NEO1: variants seen among roughly 807,000 people sequenced by gnomAD.
The protein encoded by NEO1 is neogenin 1.
In NEO1, 63 loss-of-function variants were observed where a neutral mutation model predicts 159.7. That is an observed-to-expected ratio of 0.39 (90% confidence interval 0.32 to 0.49). The LOEUF (loss-of-function observed/expected upper bound fraction) is 0.49. Ranked by LOEUF, NEO1 falls within the 20% of genes least tolerant of loss-of-function variation. The probability of loss-of-function intolerance (pLI) is 0.85; values close to 1 mark genes in which losing one functional copy is unlikely to be tolerated. For synonymous variants in NEO1, 633 were observed against 662.0 expected, an observed-to-expected ratio of 0.96 and a Z score of 0.67; for missense variants, 1,615 against 1,831.0, an observed-to-expected ratio of 0.88 and a Z score of 2.15.
chr15:73,301,636 G>A (rs957864840), intron 28 of NEO1, 179 bp downstream of exon 28: 6 of 802,892 alleles, frequency 7.5e-6, no homozygotes. Flanking sequence ...CGGGAACTGT[G>A]CTGAGGACTT....
intron 8 of NEO1, among the ~76,000 whole-genome samples, chr15:73,239,852 A>T (rs2039400754): frequency 6.6e-6 from 1 of 152,178 alleles, no homozygotes; most frequent in Admixed American, 6.5e-5. Flanking sequence ...AGTTTTTTTT[A>T]AATGACCTGT....
Position 73,293,382 on chromosome 15 carries a change from A to C in NEO1, c.3743-8A>C. ...TTAAGCATTTCTCTGTCTTGTGTTC[A>C]TTCACAGCTGTGATTAGTGCCCATC... On this transcript the variant is annotated splice_region_variant and splice_polypyrimidine_tract_variant and intron_variant, in intron 25 of 28. Transcript: ENST00000261908. The C allele has an allele frequency of 6.2e-7, 1 of 1,614,092 alleles. No individual in the cohort carries two copies. The highest frequency in any genetic ancestry group is 1.1e-5 in the South Asian group (1 of 91,056).
chr15:73,277,872 C>A (rs1054328706), intron 21 of NEO1, among the ~76,000 whole-genome samples: 22 of 152,186 alleles, frequency 1.4e-4, no homozygotes, highest in Non-Finnish European at 1.5e-4. Context: ...GTCCCAGCTT[C>A]TAAACAGCAG....
chr15:73,198,678 G>A (rs957525533), intron 7 of NEO1, among the ~76,000 whole-genome samples: 5 of 151,908 alleles, frequency 3.3e-5, no homozygotes, highest in Non-Finnish European at 7.4e-5. Flanking sequence ...TATTCTGTTA[G>A]CTCCTCTTAG....
intron 5 of NEO1, chr15:73,162,384 T>TTTGTTG (rs112258191): frequency 0.087 from 13,618 of 157,300 alleles, 834 homozygotes; most frequent in African/African-American, 0.17. Context: ...TTTATTTTGT[T>TTTGTTG]TTGTTGTTGT....
chr15:73,131,905 T>C (rs976013489), intron 4 of NEO1, among the ~76,000 whole-genome samples: 48 of 152,240 alleles, frequency 3.2e-4, no homozygotes, highest in Non-Finnish European at 4.4e-5. Context: ...CACAATTAAT[T>C]TGCATGTGCT....
chr15:73,179,239 A>G (rs1377352016), intron 7 of NEO1, among the ~76,000 whole-genome samples: 1 of 152,180 alleles, frequency 6.6e-6, no homozygotes, highest in Non-Finnish European at 1.5e-5. Flanking sequence ...ACTCTAGACA[A>G]TATAAGAATG....
At chr15:73,258,965 A>G (rs947744972) in intron 14 of NEO1, 89 bp downstream of exon 14, 2 of 1,083,272 alleles carry the variant, frequency 1.8e-6, no homozygotes, top group African/African-American at 3.1e-5. Flanking sequence ...CTTGGGGTGG[A>G]TATGGCTCAA....
At chr15:73,265,093 G>C (rs1259023351) in intron 15 of NEO1, among the ~76,000 whole-genome samples, 1 of 152,184 alleles carries the variant, frequency 6.6e-6, no homozygotes, top group Non-Finnish European at 1.5e-5. Flanking sequence ...AGAAGGCCCT[G>C]TGTTGGAGAG....
At chr15:73,291,408 A>C (rs2042160684) in intron 25 of NEO1, among the ~76,000 whole-genome samples, 1 of 152,278 alleles carries the variant, frequency 6.6e-6, no homozygotes, top group South Asian at 2.1e-4. Context: ...ACCAATATAC[A>C]ATATTATTTA....
chr15:73,082,152 G>A (rs1335097525), intron 1 of NEO1, among the ~76,000 whole-genome samples: 1 of 145,668 alleles, frequency 6.9e-6, no homozygotes, highest in Non-Finnish European at 1.5e-5. Context: ...GGGATTACAG[G>A]CATGAGCCGC....
chr15:73,201,685 A>G (rs1334199954), intron 7 of NEO1, among the ~76,000 whole-genome samples: 2 of 152,084 alleles, frequency 1.3e-5, no homozygotes, highest in Non-Finnish European at 2.9e-5. Flanking sequence ...TATTACAGTG[A>G]ATTTTGCCTA....
chr15:73,123,907 G>A (rs935059530), intron 3 of NEO1, among the ~76,000 whole-genome samples: 3 of 152,120 alleles, frequency 2.0e-5, no homozygotes, highest in Non-Finnish European at 2.9e-5. Flanking sequence ...TACAACTCTT[G>A]AGGGTGTTCC....
intron 1 of NEO1, among the ~76,000 whole-genome samples, chr15:73,075,453 G>A (rs560823811): frequency 6.6e-6 from 1 of 152,144 alleles, no homozygotes; most frequent in African/African-American, 2.4e-5. Flanking sequence ...GATGAGTGGT[G>A]CACTTTTATG....
At position 73,198,455 on chromosome 15, in the gene NEO1, CTAA is replaced by C. The variant is rs888038127; in HGVS notation, c.1291+20030_1291+20032del. Among the ~76,000 whole-genome samples, 15 of 151,780 alleles carry C rather than the reference CTAA, an allele frequency of 9.9e-5. 1 individual carries two copies. The highest frequency in any genetic ancestry group is 9.2e-4 in the Admixed American group (14 of 15,258). On this transcript the variant is annotated intron_variant, in intron 7 of 28. Coordinates refer to ENST00000261908, the MANE Select transcript of NEO1 (RefSeq NM_002499.4). Reference sequence around the variant, plus strand: ...ATATACAGTTTCATCATCTTTTAGCCTAATGTTAGGAATTCAGTTTCTCATTCA... The same window carrying C: ...ATATACAGTTTCATCATCTTTTAGCCTGTTAGGAATTCAGTTTCTCATTCA...
chr15:73,061,309 C>A (rs1274486500), intron 1 of NEO1, among the ~76,000 whole-genome samples: 1 of 152,222 alleles, frequency 6.6e-6, no homozygotes, highest in African/African-American at 2.4e-5. Flanking sequence ...AGGAAAATTT[C>A]TTTCCCTTTC....
At chr15:73,120,101 A>C (rs897273229) in intron 2 of NEO1, among the ~76,000 whole-genome samples, 5 of 152,078 alleles carry the variant, frequency 3.3e-5, no homozygotes, top group African/African-American at 1.2e-4. Flanking sequence ...GTGCCACTGC[A>C]CTCCAGCATG....
intron 7 of NEO1, among the ~76,000 whole-genome samples, chr15:73,211,339 AT>A (rs2037551449): frequency 6.6e-6 from 1 of 152,228 alleles, no homozygotes; most frequent in African/African-American, 2.4e-5. Context: ...TTTCTGTAGC[AT>A]AAGATGCCCC....
chr15:73,129,600 A>T (rs898211670), intron 4 of NEO1, among the ~76,000 whole-genome samples: 13 of 152,182 alleles, frequency 8.5e-5, no homozygotes, highest in African/African-American at 3.1e-4. Context: ...GATCCCATTC[A>T]CTAAGTAGTT....
Sources: allele counts gnomAD v4.1 joint callset (sites outside exome capture counted in the v4.1 genomes callset), GRCh38; gene constraint gnomAD v4.1.1; transcripts MANE v1.5; gene names NCBI Gene and HGNC (gene_info 2026-07-23, HGNC 2026-07-21).